COPG1: variants seen among roughly 807,000 people sequenced by gnomAD.
COPG1 encodes coatomer subunit gamma-1.
Under a neutral mutation model 102.8 loss-of-function variants are expected in COPG1, and 29 were observed. The observed-to-expected ratio is 0.28, with a 90% CI of 0.21 to 0.38. COPG1 has a LOEUF of 0.38. Ranked by LOEUF, COPG1 falls within the 10% of genes least tolerant of loss-of-function variation. COPG1 has a pLI of 1.00. For missense variants in COPG1, 875 were observed against 1,132.7 expected (o/e 0.77, Z 3.27); for synonymous variants, 406 against 421.6 (o/e 0.96, Z 0.45).
chr3:129,252,694 T>A lies in COPG1; in HGVS notation c.243T>A (p.Asp81Glu). Reference sequence around the variant, plus strand: ...TGACCAAGCTCTTTCAGTCCAATGATGTAAGTGCCTCAACCCAGCTTTCCT... The same window carrying A: ...TGACCAAGCTCTTTCAGTCCAATGAAGTAAGTGCCTCAACCCAGCTTTCCT... Reference protein sequence around the residue: ...FAMTKLFQSNDPTLRRMCYLT... With the variant: ...FAMTKLFQSNEPTLRRMCYLT... Residue 81 changes from aspartate to glutamate, a missense_variant and splice_region_variant, in exon 4 of 24, where the codon GAT (aspartate) becomes GAA (glutamate). Coordinates refer to ENST00000314797, the MANE Select transcript of COPG1 (RefSeq NM_016128.4). 2 of 1,613,830 alleles carry A rather than the reference T, an allele frequency of 1.2e-6. No homozygotes were observed. Among genetic ancestry groups the A allele is most frequent in the Non-Finnish European group, 1.7e-6 (2 of 1,179,760 alleles).
At position 129,263,830 on chromosome 3, in the gene COPG1, G is replaced by C. The variant is rs571322805; in HGVS notation, c.1129-74G>C. The C allele has an allele frequency of 3.3e-3, 4,284 of 1,292,324 alleles. 10 individuals carry two copies. The highest frequency in any genetic ancestry group is 4.5e-3 in the Non-Finnish European group (3,966 of 890,616). 80.1% of individuals were successfully genotyped at this position (1,292,324 alleles called of 1,614,324 possible). On this transcript the variant is annotated intron_variant, in intron 12 of 23. Coordinates refer to ENST00000314797, the MANE Select transcript of COPG1 (RefSeq NM_016128.4). ...CTGGCCTTACCTAAGGAAGGACTCA[G>C]TGGGCACTCAGGGAACTGAGTCACC...
Position 129,254,994 on chromosome 3 carries a change from C to T in COPG1, c.409C>T (p.Leu137=). The T allele has an allele frequency of 6.2e-7, 1 of 1,614,008 alleles. No homozygotes were observed. The highest frequency in any genetic ancestry group is 1.1e-5 in the South Asian group (1 of 91,082). ...CTCCTTTTGCCCACAGAGCACCATG[C>T]TGCAGGCTATTGAGCGCTACATGAA... ...ALCQITDSTM[L]QAIERYMKQA... is the part of the protein sequence containing the mutation. The change falls in exon 7 of 24, where the codon CTG becomes TTG. Residue 137 remains leucine (L), a synonymous_variant. Coordinates refer to ENST00000314797, the MANE Select transcript of COPG1 (RefSeq NM_016128.4).
chr3:129,266,070 C>A (rs1940053354), intron 14 of COPG1, among the ~76,000 whole-genome samples: 1 of 152,036 alleles, frequency 6.6e-6, no homozygotes, highest in Non-Finnish European at 1.5e-5. Context: ...CTCCCGGGTT[C>A]AAGCGATTCT....
At position 129,251,424 on chromosome 3, in the gene COPG1, C is replaced by G. The variant is rs555622206; in HGVS notation, c.90+690C>G. 4.6e-5 allele frequency among the ~76,000 whole-genome samples: 7 copies of G among 150,888 alleles called. No individual in the cohort carries two copies. In the East Asian group the frequency reaches 1.4e-3, roughly 29 times the overall value. ...TTAGAAGGCGTCTCACTCTGTTGCTCAGGCTGGAGTGCAGTGGCACGATCT... is the reference window on the plus strand; with the variant it reads ...TTAGAAGGCGTCTCACTCTGTTGCTGAGGCTGGAGTGCAGTGGCACGATCT... On this transcript the variant is annotated intron_variant, in intron 2 of 23. Coordinates refer to ENST00000314797, the MANE Select transcript of COPG1 (RefSeq NM_016128.4).
intron 19 of COPG1, 125 bp from the exon 20 acceptor site, chr3:129,272,119 G>T: frequency 9.4e-7 from 1 of 1,067,214 alleles, no homozygotes; most frequent in East Asian, 2.4e-5. Context: ...AGGGAACCTG[G>T]GGCAGGGGGA....
chr3:129,265,917 C>G, intron 14 of COPG1, 125 bp downstream of exon 14: 11 of 945,232 alleles, frequency 1.2e-5, no homozygotes, highest in Non-Finnish European at 1.6e-5. Context: ...AGCTGTTTTT[C>G]ATAATATTGT....
Position 129,257,478 on chromosome 3 carries a change from A to G in COPG1, c.588A>G (p.Ala196=), listed in dbSNP as rs765674351. The G allele has an allele frequency of 2.5e-6, 4 of 1,614,170 alleles. No homozygotes were observed. The highest frequency in any genetic ancestry group is 2.2e-5 in the South Asian group (2 of 91,088). The change falls in exon 9 of 24, where the codon GCA becomes GCG. Residue 196 remains alanine (A), a synonymous_variant. Transcript: ENST00000314797. ...TGTCTCCTGTCCTATAGTACCACGC[A>G]CTAGGGCTCCTGTACCATGTGCGTA... ...SSDNIMVQYH[A]LGLLYHVRKN...
chr3:129,260,967 G>A (rs1002139522), intron 12 of COPG1, among the ~76,000 whole-genome samples, 160 bp downstream of exon 12: 6 of 152,196 alleles, frequency 3.9e-5, no homozygotes, highest in Non-Finnish European at 7.3e-5. Context: ...TTGGCCTTCC[G>A]AGAAATGTGC....
chr3:129,252,297 A>G lies in COPG1; in HGVS notation c.107A>G (p.Glu36Gly). ...TCTTCTTAGGCCCGTGTATTTAATG[A>G]AACTCCCATCAACCCTCGGAAATGT... is the stretch of plus-strand genomic sequence containing the variant. ...AVLQEARVFN[E>G]TPINPRKCAH... Residue 36 changes from glutamate (E) to glycine (G), a missense_variant, in exon 3 of 24, where the codon GAA (glutamate) becomes GGA (glycine). By Grantham distance (98) the Glu-to-Gly change is moderately conservative (BLOSUM62 -2). Transcript: ENST00000314797. The G allele has an allele frequency of 6.2e-7, 1 of 1,611,302 alleles. No individual in the cohort carries two copies. The highest frequency in any genetic ancestry group is 8.5e-7 in the Non-Finnish European group (1 of 1,177,490).
chr3:129,257,886 C>T (rs114007375), intron 10 of COPG1, 26 bp downstream of exon 10: 15 of 1,609,230 alleles, frequency 9.3e-6, no homozygotes, highest in Non-Finnish European at 1.1e-5. Context: ...TTCACCCAGC[C>T]TCACATGTTT....
At chr3:129,267,619 C>CA (rs372234041) in intron 15 of COPG1, among the ~76,000 whole-genome samples, 30 of 146,638 alleles carry the variant, frequency 2.0e-4, no homozygotes, top group East Asian at 3.9e-4. Context: ...GACTCCAGCT[C>CA]AAAAAAAAAA....
intron 19 of COPG1, 99 bp from the exon 20 acceptor site, chr3:129,272,145 C>T: frequency 8.3e-7 from 1 of 1,207,848 alleles, no homozygotes; most frequent in Non-Finnish European, 1.2e-6. Flanking sequence ...ATGGGAATCA[C>T]CTTGGTCAAT....
At chr3:129,268,132 C>CT in intron 16 of COPG1, 92 bp downstream of exon 16, 1 of 1,165,134 alleles carries the variant, frequency 8.6e-7, no homozygotes, top group Non-Finnish European at 1.3e-6. Flanking sequence ...AGGCAAGATG[C>CT]TCTTGGCTGG....
At chr3:129,264,611 T>C (rs1940013618) in intron 13 of COPG1, among the ~76,000 whole-genome samples, 1 of 152,148 alleles carries the variant, frequency 6.6e-6, no homozygotes, top group African/African-American at 2.4e-5. Context: ...TAATGTTTAG[T>C]GAGTTGTCAG....
Position 129,276,823 on chromosome 3 carries a change from CTTTT to C in COPG1, c.2495-456_2495-453del, listed in dbSNP as rs34883126. On this transcript the variant is annotated intron_variant, in intron 23 of 23. Coordinates refer to ENST00000314797, the MANE Select transcript of COPG1 (RefSeq NM_016128.4). ...TGAAGTCCTGAGAGACAGTGACTTT[CTTTT>C]TTTTTTTTTTTTTTGAGACGGAGTC... is the stretch of plus-strand genomic sequence containing the variant. Among the ~76,000 whole-genome samples the C allele has an allele frequency of 7.7e-5, 10 of 129,938 alleles. 1 individual carries two copies. The highest frequency in any genetic ancestry group is 7.2e-4 in the Admixed American group (9 of 12,548). The allele number at this position is 129,938 out of a possible 152,430, so 85.2% of individuals were successfully genotyped here.
intron 5 of COPG1, 35 bp downstream of exon 5, chr3:129,252,990 G>T: frequency 6.3e-7 from 1 of 1,582,482 alleles, no homozygotes; most frequent in Non-Finnish European, 8.7e-7. Context: ...TCTTCTGATG[G>T]GTTCCATTGA....
In COPG1 at chr3:129,268,541, C is replaced by T. The variant is rs770519252; in HGVS notation, c.1695C>T (p.Tyr565=). ...GTCTGGAGAGGGCTCTGCAGCAGTA[C>T]ACTCTAGAACCATCAGAAAAACCTT... ...IPGLERALQQ[Y]TLEPSEKPFD... Residue 565 remains tyrosine, a synonymous_variant, in exon 17 of 24, where the codon TAC becomes TAT. Transcript: ENST00000314797. 37 of 1,614,070 alleles carry T rather than the reference C, an allele frequency of 2.3e-5. No homozygotes were observed. The highest frequency in any genetic ancestry group is 1.6e-4 in the Middle Eastern group (1 of 6,084).
chr3:129,262,722 GA>G (rs71674809), intron 12 of COPG1, among the ~76,000 whole-genome samples: 19,339 of 142,262 alleles, frequency 0.14, 1,698 homozygotes, highest in Non-Finnish European at 0.18. Flanking sequence ...GACCTTGTCT[GA>G]AAAAAAAAAA....
Position 129,256,150 on chromosome 3 carries a change from T to G in COPG1, c.575T>G (p.Val192Gly). Residue 192 changes from valine to glycine, a missense_variant, in exon 8 of 24, where the codon GTC (valine) becomes GGC (glycine). Physicochemically the swap from Val to Gly is moderately radical, Grantham distance 109. Coordinates refer to ENST00000314797, the MANE Select transcript of COPG1 (RefSeq NM_016128.4). The stretch of plus-strand genomic sequence containing the variant: ...GCAGCATCCAGTGATAACATCATGG[T>G]CCAGGTGAGATGTGAGCAAGGGAGT... ...QEAASSDNIM[V>G]QYHALGLLYH... 6.2e-7 allele frequency: 1 copy of G among 1,613,342 alleles called. No individual in the cohort carries two copies. The highest frequency in any genetic ancestry group is 2.2e-5 in the East Asian group (1 of 44,858).
Sources: allele counts gnomAD v4.1 joint callset (sites outside exome capture counted in the v4.1 genomes callset), GRCh38; gene constraint gnomAD v4.1.1; transcripts MANE v1.5; gene names NCBI Gene and HGNC (gene_info 2026-07-23, HGNC 2026-07-21).